Variants in MPZL1 observed in about 807,000 individuals in gnomAD.
The protein encoded by MPZL1 is myelin protein zero-like protein 1.
MPZL1 carries 16 observed loss-of-function variants against 29.3 expected under a neutral mutation model. That is an observed-to-expected ratio of 0.55 (90% CI 0.37 to 0.83). The LOEUF is 0.83. Among genes scored for constraint, MPZL1 ranks in the 40% least tolerant of loss-of-function variants. MPZL1 has a pLI of 0.00. For missense variants in MPZL1, 279 were observed against 332.9 expected (o/e 0.84, Z 1.26); for synonymous variants, 143 against 132.0 (o/e 1.08, Z -0.57).
Position 167,740,973 on chromosome 1 carries a change from T to A in MPZL1, c.91+18731T>A, listed in dbSNP as rs1339663290. On this transcript the variant is annotated intron_variant, in intron 1 of 5. Transcript: ENST00000359523. ...TCTCTCACCATCTCCTTGCCTCTAG[T>A]CTAGGTCATGGCTGCAGTACACAGC... Among the ~76,000 whole-genome samples the A allele has an allele frequency of 2.0e-5, 3 of 152,188 alleles. No individual in the cohort carries two copies. The East Asian group carries it at 5.8e-4, about 29-fold the overall frequency.
At chr1:167,776,427 C>A (rs1661369845) in intron 5 of MPZL1, among the ~76,000 whole-genome samples, 1 of 152,150 alleles carries the variant, frequency 6.6e-6, no homozygotes, top group Non-Finnish European at 1.5e-5. Flanking sequence ...CATGTAGCTT[C>A]CTTGCCTCAA....
intron 5 of MPZL1, among the ~76,000 whole-genome samples, chr1:167,779,868 C>A (rs557092903): frequency 6.6e-6 from 1 of 152,052 alleles, no homozygotes; most frequent in African/African-American, 2.4e-5. Flanking sequence ...CTGATAAGAA[C>A]AAAATTCTGA....
chr1:167,776,290 A>T (rs549006109), intron 5 of MPZL1, 124 bp downstream of exon 5: 4 of 610,330 alleles, frequency 6.6e-6, no homozygotes, highest in East Asian at 6.6e-5. Flanking sequence ...ACAGACAGAG[A>T]CAAAGAGAGA....
chr1:167,766,115 TTTGA>T (rs1661110081), intron 2 of MPZL1, among the ~76,000 whole-genome samples: 1 of 152,218 alleles, frequency 6.6e-6, no homozygotes, highest in African/African-American at 2.4e-5. Context: ...CATCTTCTGA[TTTGA>T]TTATCTTTTT....
chr1:167,731,035 T>G (rs1318763128), intron 1 of MPZL1, among the ~76,000 whole-genome samples: 3 of 152,204 alleles, frequency 2.0e-5, no homozygotes, highest in African/African-American at 4.8e-5. Flanking sequence ...TTAGAAGAAC[T>G]GCAGTGAGGC....
chr1:167,763,165 T>G (rs1661022926), intron 1 of MPZL1, among the ~76,000 whole-genome samples: 1 of 152,204 alleles, frequency 6.6e-6, no homozygotes, highest in South Asian at 2.1e-4. Context: ...TTAAATAATG[T>G]CTCGGGATGA....
At chr1:167,736,855 C>G (rs1300774946) in intron 1 of MPZL1, among the ~76,000 whole-genome samples, 1 of 152,198 alleles carries the variant, frequency 6.6e-6, no homozygotes, top group African/African-American at 2.4e-5. Flanking sequence ...TACCACTCTT[C>G]TGTTAAGATC....
intron 1 of MPZL1, among the ~76,000 whole-genome samples, chr1:167,746,286 C>A (rs1430466622): frequency 6.6e-6 from 1 of 151,658 alleles, no homozygotes; most frequent in African/African-American, 2.4e-5. Context: ...TTTGATGTGG[C>A]AAAAATGTAG....
chr1:167,766,012 A>C, intron 2 of MPZL1: 1 of 259,834 alleles, frequency 3.8e-6, no homozygotes, highest in Non-Finnish European at 7.2e-6. Context: ...ACTGACTCTA[A>C]TCAGGATTTA....
intron 1 of MPZL1, among the ~76,000 whole-genome samples, chr1:167,740,576 G>A (rs1234936592): frequency 6.6e-6 from 1 of 151,892 alleles, no homozygotes; most frequent in Non-Finnish European, 1.5e-5. Flanking sequence ...GACCTTTATA[G>A]TTTGATGTCT....
chr1:167,776,265 C>G, intron 5 of MPZL1, 99 bp downstream of exon 5: 1 of 727,936 alleles, frequency 1.4e-6, no homozygotes, highest in East Asian at 3.1e-5. Flanking sequence ...CTATGAGAGA[C>G]AGAGACAGAG....
chr1:167,787,192 G>A (rs1179854549), intron 5 of MPZL1: 1 of 152,172 alleles, frequency 6.6e-6, no homozygotes, highest in Non-Finnish European at 1.5e-5. Flanking sequence ...AGGAAGAACA[G>A]TTATCTGATA....
At chr1:167,730,184 C>T (rs1660232652) in intron 1 of MPZL1, among the ~76,000 whole-genome samples, 1 of 152,176 alleles carries the variant, frequency 6.6e-6, no homozygotes, top group East Asian at 1.9e-4. Flanking sequence ...GTGTTGAAGC[C>T]ATCCTCACCA....
chr1:167,739,487 G>C (rs887771641), intron 1 of MPZL1, among the ~76,000 whole-genome samples: 2 of 151,694 alleles, frequency 1.3e-5, no homozygotes, highest in South Asian at 2.1e-4. Context: ...AAGTTTTTAA[G>C]TAGAAGAGCT....
intron 5 of MPZL1, among the ~76,000 whole-genome samples, chr1:167,776,420 G>A (rs1661369808): frequency 6.6e-6 from 1 of 152,158 alleles, no homozygotes; most frequent in South Asian, 2.1e-4. Context: ...TACTAACCAT[G>A]TAGCTTCCTT....
rs776937459 is a variant in MPZL1, at chr1:167,722,151, G to A, written c.-1G>A. On this transcript the variant is annotated 5_prime_UTR_variant, in exon 1 of 6. Coordinates refer to ENST00000359523, the MANE Select transcript of MPZL1 (RefSeq NM_003953.6). ...GCGGCGGCGACTGCAGTGGCTGGAC[G>A]ATGGCAGCGTCCGCCGGAGCCGGGG... The A allele has an allele frequency of 1.6e-6, 2 of 1,235,666 alleles. No homozygotes were observed. Among genetic ancestry groups the A allele is most frequent in the Non-Finnish European group, 1.0e-6 (1 of 988,610 alleles). 76.5% of individuals were successfully genotyped at this position (1,235,666 alleles called of 1,614,324 possible). A position where few individuals can be genotyped will look rare whatever the true frequency, so the allele number is the denominator to read the frequency against.
rs544662587 is a variant in MPZL1, at chr1:167,775,073, C to T, written c.606-991C>T. ...TTATGCACATCTGAATATTTGTGCT[C>T]TTCATGTAAAATGCCATTGTGTATG... On this transcript the variant is annotated intron_variant, in intron 4 of 5. Transcript: ENST00000359523. Among the ~76,000 whole-genome samples the T allele has an allele frequency of 3.0e-4, 46 of 152,198 alleles. 1 individual carries two copies. The South Asian group carries it at 9.1e-3, about 30-fold the overall frequency.
intron 1 of MPZL1, among the ~76,000 whole-genome samples, chr1:167,722,609 C>G (rs933552463): frequency 1.3e-5 from 2 of 152,204 alleles, no homozygotes; most frequent in Non-Finnish European, 2.9e-5. Context: ...TCGTCTAGGC[C>G]CTCCCGGATT....
chr1:167,773,415 G>A, intron 4 of MPZL1, 47 bp downstream of exon 4: 1 of 1,556,552 alleles, frequency 6.4e-7, no homozygotes. Flanking sequence ...GAGGGAATCA[G>A]GGTTTATAGA....
Sources: gnomAD v4.1 joint callset for allele counts (sites outside exome capture counted in the v4.1 genomes callset) on GRCh38, gnomAD v4.1.1 for gene constraint, MANE v1.5 for transcripts, NCBI Gene and HGNC (gene_info 2026-07-23, HGNC 2026-07-21) for gene names.